Variants in MCF2L observed in about 807,000 individuals in gnomAD.
MCF2L encodes MCF.2 cell line derived transforming sequence like.
MCF2L carries 97 observed loss-of-function variants against 153.4 expected under a neutral mutation model. The observed-to-expected ratio is 0.63, with a 90% CI of 0.54 to 0.75. The LOEUF (loss-of-function observed/expected upper bound fraction) is 0.75. Ranked by LOEUF, MCF2L falls within the 30% of genes least tolerant of loss-of-function variation. The pLI is 0.00. For synonymous variants in MCF2L, 659 were observed against 632.2 expected (o/e 1.04, Z -0.64); for missense variants, 1,347 against 1,495.2 (o/e 0.90, Z 1.64).
At chr13:113,051,608 C>G (rs2087334300) in intron 4 of MCF2L, among the ~76,000 whole-genome samples, 1 of 152,054 alleles carries the variant, frequency 6.6e-6, no homozygotes, top group African/African-American at 2.4e-5. Flanking sequence ...AGCCACTTTG[C>G]TCTCTCTAAA....
At chr13:113,029,985 T>C (rs1326750463) in intron 3 of MCF2L, among the ~76,000 whole-genome samples, 1 of 152,264 alleles carries the variant, frequency 6.6e-6, no homozygotes, top group Non-Finnish European at 1.5e-5. Context: ...GAAAGAATGT[T>C]GTATTCTAAT....
intron 15 of MCF2L, among the ~76,000 whole-genome samples, chr13:113,079,787 G>GTACC (rs2033903967): frequency 2.9e-5 from 4 of 139,410 alleles, no homozygotes; most frequent in Admixed American, 7.2e-5. Context: ...GCGTCTGCAC[G>GTACC]GAGGAGGGTC....
Position 113,087,627 on chromosome 13 carries a change from G to A in MCF2L, c.2596-80G>A, listed in dbSNP as rs988183693. ...ACCCCCAAAGTATTTCCATCATTTC[G>A]TGCCTGCACCAACACCTTTTAAAAA... On this transcript the variant is annotated intron_variant, in intron 22 of 29. Transcript: ENST00000535094. The A allele has an allele frequency of 7.0e-4, 892 of 1,280,606 alleles. 6 individuals are homozygous for A. Among genetic ancestry groups the A allele is most frequent in the African/African-American group, 1.2e-3 (83 of 68,036 alleles). The allele number at this position is 1,280,606 out of a possible 1,614,324, so 79.3% of individuals were successfully genotyped here. A position where few individuals can be genotyped will look rare whatever the true frequency, so the allele number is the denominator to read the frequency against.
chr13:113,014,770 C>T lies in MCF2L; in HGVS notation c.87C>T (p.Ile29=). ...TCTGCTCTTTCCGTGCAGATGAAAT[C>T]ATGCACCAGGACATCGTCCCGCTCT... ...LNAVSKHTDE[I]MHQDIVPLCA... is the part of the protein sequence containing the mutation. The change falls in exon 2 of 30, where the codon ATC becomes ATT. Residue 29 remains isoleucine, a synonymous_variant. Coordinates refer to ENST00000535094, the MANE Select transcript of MCF2L (RefSeq NM_001112732.3). 6.2e-7 allele frequency: 1 copy of T among 1,613,742 alleles called. No individual in the cohort carries two copies. Among genetic ancestry groups the T allele is most frequent in the Non-Finnish European group, 8.5e-7 (1 of 1,179,760 alleles).
intron 2 of MCF2L, among the ~76,000 whole-genome samples, chr13:112,939,728 A>G (rs2081556255): frequency 6.6e-6 from 1 of 152,218 alleles, no homozygotes; most frequent in Admixed American, 6.5e-5. Context: ...CTGTAATCCC[A>G]GCACTTTGGG....
chr13:112,960,351 A>G lies in MCF2L; in HGVS notation c.170-54412A>G, dbSNP rs117632021. ...CCAGTCATGAGGGCAGGGTCCTCAG[A>G]CCTGGTCACCTCTTCTTAGGCCCCA... is the stretch of plus-strand genomic sequence containing the variant. On this transcript the variant is annotated intron_variant, in intron 2 of 29. Transcript: ENST00000375608. The surrounding 1 kb of genome is among the most constrained non-coding windows in gnomAD (Gnocchi z 4.2). Among the ~76,000 whole-genome samples, 733 of 152,272 alleles carry G rather than the reference A, an allele frequency of 4.8e-3. 25 individuals carry two copies. The East Asian group carries it at 0.099, about 21-fold the overall frequency.
At chr13:113,043,540 T>C (rs7984552) in intron 3 of MCF2L, 119,398 of 152,178 alleles carry the variant, frequency 0.78, 46,949 homozygotes, top group Middle Eastern at 0.82. Flanking sequence ...GTGTAGCACC[T>C]GTTACTGGAG....
intron 23 of MCF2L, among the ~76,000 whole-genome samples, chr13:113,088,056 A>G (rs1178284498): frequency 6.6e-6 from 1 of 151,996 alleles, no homozygotes; most frequent in African/African-American, 2.4e-5. Context: ...GGACGGTGCA[A>G]GTGTGCATCT....
intron 3 of MCF2L, among the ~76,000 whole-genome samples, chr13:113,025,902 A>T (rs377061797): frequency 3.2e-4 from 18 of 55,792 alleles, no homozygotes; most frequent in East Asian, 1.2e-3. Flanking sequence ...AGGTTTCCCC[A>T]TTGTGGGGTC....
In MCF2L at chr13:113,024,765, G is replaced by A; in HGVS notation, c.278+7G>A. 1.2e-6 allele frequency: 2 copies of A among 1,604,246 alleles called. No individual in the cohort carries two copies. The highest frequency in any genetic ancestry group is 1.7e-6 in the Non-Finnish European group (2 of 1,171,020). Reference sequence around the variant, plus strand: ...ACCTCACCAGCATCCCCAGGTACGTGCACCCAGAGCCCGGCAGACATTGTG... The same window carrying A: ...ACCTCACCAGCATCCCCAGGTACGTACACCCAGAGCCCGGCAGACATTGTG... On this transcript the variant is annotated splice_region_variant and intron_variant, in intron 3 of 29. Transcript: ENST00000535094.
chr13:113,031,978 A>G lies in MCF2L; in HGVS notation c.278+7220A>G, dbSNP rs1052580138. 6.6e-6 allele frequency among the ~76,000 whole-genome samples: 1 copy of G among 152,152 alleles called. No individual in the cohort carries two copies. The highest frequency in any genetic ancestry group is 2.4e-5 in the African/African-American group (1 of 41,426). On this transcript the variant is annotated intron_variant, in intron 3 of 29. Coordinates refer to ENST00000535094, the MANE Select transcript of MCF2L (RefSeq NM_001112732.3). This position sits in a 1 kb window ranked among gnomAD's most constrained non-coding sequence, Gnocchi z 5.5. Reference sequence around the variant, plus strand: ...CACACGTGCGCACACACACACATGCAAGTGCATGCATACCCCCCCACAGAC... The same window carrying G: ...CACACGTGCGCACACACACACATGCGAGTGCATGCATACCCCCCCACAGAC...
chr13:113,092,639 G>A (rs1250658293), intron 26 of MCF2L, among the ~76,000 whole-genome samples: 1 of 152,254 alleles, frequency 6.6e-6, no homozygotes, highest in Non-Finnish European at 1.5e-5. Flanking sequence ...AGAAAACAGA[G>A]GGCACCTTCC....
At chr13:112,899,592 C>T (rs1049643301) in intron 1 of MCF2L, among the ~76,000 whole-genome samples, 14 of 152,250 alleles carry the variant, frequency 9.2e-5, no homozygotes, top group Admixed American at 9.2e-4. Context: ...AGCTGTTGTT[C>T]GAAGCAGCTG....
At chr13:113,058,343 T>A (rs183746502) in intron 4 of MCF2L, among the ~76,000 whole-genome samples, 1 of 145,858 alleles carries the variant, frequency 6.9e-6, no homozygotes, top group Admixed American at 6.8e-5. Context: ...GCTGAGTGGG[T>A]GCTGTGTGTT....
chr13:113,047,797 T>C (rs932630840), intron 4 of MCF2L, among the ~76,000 whole-genome samples: 18 of 143,476 alleles, frequency 1.3e-4, no homozygotes, highest in East Asian at 4.1e-4. Context: ...CCTCGCTACG[T>C]GTGCCCCGTC....
In MCF2L at chr13:113,074,650, G is replaced by T; in HGVS notation, c.1116+87G>T. 2 of 1,564,514 alleles carry T rather than the reference G, an allele frequency of 1.3e-6. No homozygotes were observed. The highest frequency in any genetic ancestry group is 1.7e-6 in the Non-Finnish European group (2 of 1,147,142). On this transcript the variant is annotated intron_variant, in intron 10 of 29. Coordinates refer to ENST00000535094, the MANE Select transcript of MCF2L (RefSeq NM_001112732.3). The surrounding 1 kb of genome is among the most constrained non-coding windows in gnomAD (Gnocchi z 4.2). Reference sequence around the variant, plus strand: ...AGGAAGGCGCAGGAATGGGCCTCCCGCCTACGGAGAACGGACCCCACAGCC... The same window carrying T: ...AGGAAGGCGCAGGAATGGGCCTCCCTCCTACGGAGAACGGACCCCACAGCC...
intron 2 of MCF2L, among the ~76,000 whole-genome samples, chr13:112,911,986 A>C (rs1026492527): frequency 1.3e-5 from 2 of 152,230 alleles, no homozygotes; most frequent in Admixed American, 6.5e-5. Flanking sequence ...CTTTTTAAAA[A>C]GAAAAAACAA....
At chr13:113,002,353 AC>A (rs1200149745) in intron 1 of MCF2L, among the ~76,000 whole-genome samples, 1 of 152,210 alleles carries the variant, frequency 6.6e-6, no homozygotes, top group Non-Finnish European at 1.5e-5. Flanking sequence ...TTTTTCATAG[AC>A]AGGCTATGTG....
chr13:113,023,086 TGCAGCATTGCGG>T (rs1416440926), intron 2 of MCF2L, among the ~76,000 whole-genome samples: 3 of 152,184 alleles, frequency 2.0e-5, no homozygotes, highest in African/African-American at 7.2e-5. Context: ...TTCCTTAGAA[TGCAGCATTGCGG>T]GGACTGAGCT....
Sources: allele counts gnomAD v4.1 joint callset (sites outside exome capture counted in the v4.1 genomes callset), GRCh38; gene constraint gnomAD v4.1.1; non-coding constraint Gnocchi (gnomAD v3.1); transcripts MANE v1.5; gene names NCBI Gene and HGNC (gene_info 2026-07-23, HGNC 2026-07-21).